Variants in CASP10 observed in about 807,000 individuals in gnomAD.
The protein encoded by CASP10 is caspase-10.
CASP10 carries 41 observed loss-of-function variants against 48.5 expected under a neutral mutation model. That is an observed-to-expected ratio of 0.85 (90% CI 0.66 to 1.10). The LOEUF (loss-of-function observed/expected upper bound fraction) is 1.10. Among genes scored for constraint, CASP10 ranks in the 50% least tolerant of loss-of-function variants. The pLI, the probability that CASP10 is intolerant of heterozygous loss-of-function variation, is 0.00. For missense variants in CASP10, 614 were observed against 614.5 expected (o/e 1.00, Z 0.01); for synonymous variants, 232 against 238.4 (o/e 0.97, Z 0.25).
intron 5 of CASP10, chr2:201,200,820 T>G (rs774057303): frequency 1.2e-4 from 112 of 938,840 alleles, no homozygotes; most frequent in Non-Finnish European, 1.4e-4. Flanking sequence ...AATCTTAAAT[T>G]GGCTTCTTTT....
At chr2:201,190,741 C>T (rs763983732) in intron 3 of CASP10, among the ~76,000 whole-genome samples, 1 of 151,990 alleles carries the variant, frequency 6.6e-6, no homozygotes, top group East Asian at 1.9e-4. Context: ...CTCTGATATT[C>T]GAAACACTGA....
At chr2:201,209,655 T>C (rs1489280633) in intron 9 of CASP10, 93 bp downstream of exon 9, 22 of 1,284,848 alleles carry the variant, frequency 1.7e-5, no homozygotes, top group Middle Eastern at 2.7e-4. Flanking sequence ...AGGGTGAGAG[T>C]TCTACGTTGT....
chr2:201,185,671 C>T, intron 1 of CASP10, 100 bp from the exon 2 acceptor site: 3 of 810,870 alleles, frequency 3.7e-6, no homozygotes, highest in Non-Finnish European at 6.6e-6. Flanking sequence ...AGTCTAATGC[C>T]CAGAACGGAG....
chr2:201,228,859 A>C (rs894896061), intron 9 of CASP10: 2 of 1,390,088 alleles, frequency 1.4e-6, no homozygotes, highest in African/African-American at 2.9e-5. Context: ...GCCGGGGTCC[A>C]GCCTCTCCAG....
chr2:201,218,908 C>T lies in CASP10; in HGVS notation c.*1167C>T, dbSNP rs1353076398. Reference sequence around the variant, plus strand: ...TTTATTTGGTTAGAGACAGGTTTCCCTGTAGGAAGATGATGGCTCATTTAC... The same window carrying T: ...TTTATTTGGTTAGAGACAGGTTTCCTTGTAGGAAGATGATGGCTCATTTAC... On this transcript the variant is annotated 3_prime_UTR_variant, in exon 10 of 10. Transcript: ENST00000286186. 4.2e-5 allele frequency: 41 copies of T among 985,288 alleles called. No individual in the cohort carries two copies. The highest frequency in any genetic ancestry group is 4.6e-5 in the Non-Finnish European group (38 of 829,946). 61.0% of individuals were successfully genotyped at this position (985,288 alleles called of 1,614,324 possible).
chr2:201,183,966 G>A (rs528729049), intron 1 of CASP10, among the ~76,000 whole-genome samples: 1 of 151,896 alleles, frequency 6.6e-6, no homozygotes, highest in African/African-American at 2.4e-5. Context: ...CACAATCTTG[G>A]CTTACTGCAA....
At chr2:201,189,867 C>T (rs953043091) in intron 3 of CASP10, among the ~76,000 whole-genome samples, 17 of 152,034 alleles carry the variant, frequency 1.1e-4, no homozygotes, top group African/African-American at 3.1e-4. Flanking sequence ...GGTGTGGTGG[C>T]GTGCACCTGT....
At chr2:201,224,040 T>C (rs944491149), downstream of CASP10, among the ~76,000 whole-genome samples, 8 of 151,772 alleles carry the variant, frequency 5.3e-5, no homozygotes, top group Non-Finnish European at 1.0e-4. Context: ...GGCTCGATCT[T>C]GGCTCACTGC....
In CASP10 at chr2:201,209,435, A is replaced by G. The variant is rs762718326; in HGVS notation, c.1288A>G (p.Ile430Val). ...EQAPTSLQDS[I>V]PAEADFLLGL... ...GGCACCCACTTCCCTGCAGGACAGT[A>G]TTCCTGCCGAGGCTGACTTCCTACT... The change falls in exon 9 of 10, where the codon ATT becomes GTT. Residue 430 changes from isoleucine (I) to valine (V), a missense_variant. Ile to Val is a conservative substitution (Grantham distance 29). Coordinates refer to ENST00000286186, the MANE Select transcript of CASP10 (RefSeq NM_032977.4). 13 of 1,613,970 alleles carry G rather than the reference A, an allele frequency of 8.1e-6. No individual in the cohort carries two copies. Among genetic ancestry groups the G allele is most frequent in the Non-Finnish European group, 1.0e-5 (12 of 1,179,982 alleles).
chr2:201,196,931 A>G (rs1944816153), intron 5 of CASP10, among the ~76,000 whole-genome samples: 1 of 152,140 alleles, frequency 6.6e-6, no homozygotes, highest in South Asian at 2.1e-4. Context: ...AGAACCATAC[A>G]ATATTTGTTC....
chr2:201,190,864 T>C (rs1349763363), intron 3 of CASP10, among the ~76,000 whole-genome samples: 1 of 151,778 alleles, frequency 6.6e-6, no homozygotes, highest in Admixed American at 6.6e-5. Context: ...TTATTATTAT[T>C]ATTATTATTA....
chr2:201,192,526 C>G (rs904711596), intron 3 of CASP10, among the ~76,000 whole-genome samples: 2 of 152,006 alleles, frequency 1.3e-5, no homozygotes, highest in African/African-American at 4.8e-5. Context: ...TGGTGTCCCT[C>G]TTTTGCTGGC....
intron 7 of CASP10, 40 bp from the exon 8 acceptor site, chr2:201,208,035 G>A (rs1262373635): frequency 2.1e-6 from 3 of 1,459,638 alleles, no homozygotes; most frequent in African/African-American, 1.4e-5. Flanking sequence ...AAGGCCCTAA[G>A]ATAAGGATTC....
chr2:201,199,720 A>G (rs1944945001), intron 5 of CASP10, among the ~76,000 whole-genome samples: 2 of 151,764 alleles, frequency 1.3e-5, no homozygotes, highest in Non-Finnish European at 1.5e-5. Context: ...GATTACAGGC[A>G]TGCACCACCA....
intron 5 of CASP10, among the ~76,000 whole-genome samples, chr2:201,200,285 T>C (rs1235087440): frequency 6.6e-6 from 1 of 152,222 alleles, no homozygotes; most frequent in African/African-American, 2.4e-5. Flanking sequence ...ACATGAAAAG[T>C]TTCCCCCTAG....
chr2:201,199,927 CT>C (rs904285918), intron 5 of CASP10, among the ~76,000 whole-genome samples: 125 of 152,106 alleles, frequency 8.2e-4, no homozygotes, highest in Non-Finnish European at 1.1e-3. Flanking sequence ...TTAATTTCCT[CT>C]TTTATGCCAT....
In CASP10 at chr2:201,221,321, C is replaced by G; in HGVS notation, c.*3580C>G. 5 of 982,732 alleles carry G rather than the reference C, an allele frequency of 5.1e-6. No individual in the cohort carries two copies. The highest frequency in any genetic ancestry group is 4.8e-6 in the Non-Finnish European group (4 of 827,186). The allele number at this position is 982,732 out of a possible 1,614,324, so 60.9% of individuals were successfully genotyped here. On this transcript the variant is annotated 3_prime_UTR_variant, in exon 10 of 10. Coordinates refer to ENST00000286186, the MANE Select transcript of CASP10 (RefSeq NM_032977.4). ...AAACCTCCTGTCAGGCCTCTGAGCC[C>G]AAGCTAAGCCATCATATCCCTTGTG...
In CASP10 at chr2:201,219,534, C is replaced by A. The variant is rs114760847; in HGVS notation, c.*1793C>A. 700 of 985,380 alleles carry A rather than the reference C, an allele frequency of 7.1e-4. 3 individuals are homozygous for A. In the African/African-American group the frequency reaches 8.8e-3, roughly 12 times the overall value. The allele number at this position is 985,380 out of a possible 1,614,324, so 61.0% of individuals were successfully genotyped here. ...CTTGTTACTGCTACTACACTTTGCT[C>A]CTCTGGCCCAAGGCATGAGGAGAGA... On this transcript the variant is annotated 3_prime_UTR_variant, in exon 10 of 10. Coordinates refer to ENST00000286186, the MANE Select transcript of CASP10 (RefSeq NM_032977.4).
chr2:201,204,841 T>C (rs1945145676), intron 6 of CASP10, among the ~76,000 whole-genome samples: 1 of 152,188 alleles, frequency 6.6e-6, no homozygotes, highest in South Asian at 2.1e-4. Flanking sequence ...TTACCTTCTC[T>C]CATGGTGAGG....
Sources: allele counts gnomAD v4.1 joint callset (sites outside exome capture counted in the v4.1 genomes callset), GRCh38; gene constraint gnomAD v4.1.1; transcripts MANE v1.5; gene names NCBI Gene and HGNC (gene_info 2026-07-23, HGNC 2026-07-21).